The following MAPRE2 variants were observed in gnomAD, a reference collection of about 807,000 sequenced individuals.
MAPRE2 encodes microtubule associated protein RP/EB family member 2, also known as microtubule-associated protein RP/EB family member 2.
MAPRE2 carries 13 observed loss-of-function variants against 43.2 expected under a neutral mutation model. That is an observed-to-expected ratio of 0.30 (90% CI 0.20 to 0.48). The LOEUF is 0.48. Among genes scored for constraint, MAPRE2 ranks in the 20% least tolerant of loss-of-function variants. The pLI, the probability that MAPRE2 is intolerant of heterozygous loss-of-function variation, is 0.99. For synonymous variants in MAPRE2, 135 were observed against 148.8 expected, an observed-to-expected ratio of 0.91 and a Z score of 0.68; for missense variants, 161 against 400.2, an observed-to-expected ratio of 0.40 and a Z score of 5.10.
chr18:34,989,760 A>G (rs1211926494), intron 1 of MAPRE2, among the ~76,000 whole-genome samples: 2 of 151,956 alleles, frequency 1.3e-5, no homozygotes, highest in African/African-American at 4.8e-5. Flanking sequence ...CAGTGGCATC[A>G]GCATCACCTG....
chr18:35,098,542 A>T (rs1908529534), intron 3 of MAPRE2, among the ~76,000 whole-genome samples: 1 of 152,192 alleles, frequency 6.6e-6, no homozygotes, highest in African/African-American at 2.4e-5. Flanking sequence ...ATTGTCTTGG[A>T]ATTTTTATTT....
chr18:35,041,336 G>C, upstream of MAPRE2: 1 of 1,434,090 alleles, frequency 7.0e-7, no homozygotes. Flanking sequence ...CACGTGACCA[G>C]GGTGCTGCTG....
At chr18:35,029,660 GAT>G (rs770546690) in intron 2 of MAPRE2, among the ~76,000 whole-genome samples, 25 of 152,340 alleles carry the variant, frequency 1.6e-4, no homozygotes, top group South Asian at 1.5e-3. Flanking sequence ...TCGTCTGCAA[GAT>G]AATTTATTTG....
intron 1 of MAPRE2, among the ~76,000 whole-genome samples, chr18:35,050,149 G>GTT (rs958913131): frequency 5.4e-5 from 8 of 148,824 alleles, no homozygotes; most frequent in Admixed American, 4.0e-4. Flanking sequence ...ACCTTTTTAT[G>GTT]TTTTTTTTTT....
At chr18:35,114,225 T>C (rs1469307030) in intron 4 of MAPRE2, among the ~76,000 whole-genome samples, 1 of 152,186 alleles carries the variant, frequency 6.6e-6, no homozygotes, top group Non-Finnish European at 1.5e-5. Flanking sequence ...CCCCACACTA[T>C]GCTGAACCAC....
chr18:35,114,003 AAGAC>A (rs1269631329), intron 4 of MAPRE2, among the ~76,000 whole-genome samples: 4 of 152,368 alleles, frequency 2.6e-5, no homozygotes, highest in East Asian at 1.9e-4. Flanking sequence ...GCAATTCTAA[AAGAC>A]AGATCATATT....
intron 1 of MAPRE2, among the ~76,000 whole-genome samples, chr18:34,979,659 CAT>C (rs1412774066): frequency 1.3e-5 from 2 of 151,936 alleles, no homozygotes; most frequent in African/African-American, 4.8e-5. Flanking sequence ...ATATGTAACA[CAT>C]AAATTTTGCA....
chr18:35,027,663 AC>A (rs2097045959), intron 2 of MAPRE2, among the ~76,000 whole-genome samples: 1 of 152,236 alleles, frequency 6.6e-6, no homozygotes, highest in African/African-American at 2.4e-5. Flanking sequence ...GTTTAGAGTC[AC>A]AATAGAGAAC....
intron 6 of MAPRE2, among the ~76,000 whole-genome samples, chr18:35,132,761 A>G (rs1040963743): frequency 6.6e-6 from 1 of 152,210 alleles, no homozygotes; most frequent in African/African-American, 2.4e-5. Flanking sequence ...ACAAGTGCTG[A>G]TGGAGACCCA....
At chr18:35,035,191 G>A (rs1242023473) in intron 2 of MAPRE2, among the ~76,000 whole-genome samples, 1 of 151,994 alleles carries the variant, frequency 6.6e-6, no homozygotes, top group African/African-American at 2.4e-5. Flanking sequence ...CATAAAAAAT[G>A]ATGAGCTCAT....
intron 1 of MAPRE2, among the ~76,000 whole-genome samples, chr18:35,044,810 GAGA>G (rs911957749): frequency 6.6e-6 from 1 of 152,162 alleles, no homozygotes; most frequent in Non-Finnish European, 1.5e-5. Flanking sequence ...TCACTCTTTG[GAGA>G]AGGAGACATT....
intron 5 of MAPRE2, among the ~76,000 whole-genome samples, chr18:35,129,338 C>T (rs1213270832): frequency 6.6e-6 from 1 of 152,142 alleles, no homozygotes; most frequent in East Asian, 1.9e-4. Flanking sequence ...GGTGTTGGAA[C>T]AAAGAACACT....
chr18:34,987,782 A>G (rs1474852416), intron 1 of MAPRE2, among the ~76,000 whole-genome samples: 3 of 152,004 alleles, frequency 2.0e-5, no homozygotes, highest in Non-Finnish European at 4.4e-5. Flanking sequence ...ATCTGGGACT[A>G]TAGCTGCATG....
At chr18:35,030,458 C>T (rs2097047299) in intron 2 of MAPRE2, among the ~76,000 whole-genome samples, 2 of 152,190 alleles carry the variant, frequency 1.3e-5, no homozygotes, top group African/African-American at 4.8e-5. Context: ...TGACATCTGG[C>T]AAGTGTGTTT....
At position 35,065,771 on chromosome 18, in the gene MAPRE2, C is replaced by T. The variant is rs1172771077; in HGVS notation, c.123-4424C>T. Among the ~76,000 whole-genome samples the T allele has an allele frequency of 3.9e-5, 6 of 152,162 alleles. No homozygotes were observed. The East Asian group carries it at 9.7e-4, about 24-fold the overall frequency. ...ATTTCGCCATGTTGGCCAGGCTGGT[C>T]TCGAACTCCGGACCTCAGGTGATCC... On this transcript the variant is annotated intron_variant, in intron 1 of 6. Coordinates refer to ENST00000300249, the MANE Select transcript of MAPRE2 (RefSeq NM_014268.4).
At chr18:34,990,436 T>C (rs1244256429) in intron 1 of MAPRE2, among the ~76,000 whole-genome samples, 1 of 152,150 alleles carries the variant, frequency 6.6e-6, no homozygotes, top group Admixed American at 6.5e-5. Flanking sequence ...AGGAAAGATA[T>C]ATGGTGGACT....
intron 2 of MAPRE2, among the ~76,000 whole-genome samples, chr18:35,007,822 AT>A (rs11357295): frequency 0.64 from 96,989 of 150,934 alleles, 31,153 homozygotes; most frequent in East Asian, 0.69. Flanking sequence ...CTTATAAGTG[AT>A]TTTTTTTTTT....
intron 1 of MAPRE2, among the ~76,000 whole-genome samples, chr18:34,993,823 G>A (rs569262290): frequency 1.3e-3 from 192 of 152,256 alleles, no homozygotes; most frequent in South Asian, 6.4e-3. Context: ...TCAGAGGGTT[G>A]ACAGAGAGGG....
intron 2 of MAPRE2, among the ~76,000 whole-genome samples, chr18:35,036,311 G>A (rs2097050582): frequency 6.6e-6 from 1 of 152,058 alleles, no homozygotes; most frequent in Non-Finnish European, 1.5e-5. Flanking sequence ...TTCAAAATAA[G>A]TCAAAGAGTG....
Sources: allele counts gnomAD v4.1 joint callset (sites outside exome capture counted in the v4.1 genomes callset), GRCh38; gene constraint gnomAD v4.1.1; transcripts MANE v1.5; gene names NCBI Gene and HGNC (gene_info 2026-07-23, HGNC 2026-07-21).